The following YME1L1 variants were observed in gnomAD, a reference collection of about 807,000 sequenced individuals.
YME1L1 encodes ATP-dependent zinc metalloprotease YME1L1.
A neutral mutation model predicts 90.4 loss-of-function variants in YME1L1; 39 were observed. That is an observed-to-expected ratio of 0.43 (90% CI 0.33 to 0.56). YME1L1 has a LOEUF of 0.56. Ranked by LOEUF, YME1L1 falls within the 20% of genes least tolerant of loss-of-function variation. The pLI is 0.03. For synonymous variants in YME1L1, 284 were observed against 287.3 expected (o/e 0.99, Z 0.12); for missense variants, 617 against 868.4 (o/e 0.71, Z 3.64).
intron 4 of YME1L1, among the ~76,000 whole-genome samples, chr10:27,137,335 G>A (rs12415615): frequency 0.011 from 1,641 of 152,232 alleles, 113 homozygotes; most frequent in Admixed American, 0.091. Flanking sequence ...TTTAATGGCT[G>A]TTTACACTTT....
chr10:27,136,699 C>CTTTA (rs149072823), intron 4 of YME1L1, among the ~76,000 whole-genome samples: 5,401 of 145,396 alleles, frequency 0.037, 129 homozygotes, highest in African/African-American at 0.054. Context: ...TCAAAAGGAA[C>CTTTA]TTTATTTATT....
chr10:27,141,755 C>T (rs1378974070), intron 4 of YME1L1, among the ~76,000 whole-genome samples: 1 of 152,116 alleles, frequency 6.6e-6, no homozygotes, highest in Non-Finnish European at 1.5e-5. Context: ...TTATTCCATC[C>T]CATCCCAGTG....
intron 2 of YME1L1, chr10:27,146,736 T>C (rs1285159649): frequency 6.6e-6 from 1 of 152,224 alleles, no homozygotes; most frequent in Non-Finnish European, 1.5e-5. Flanking sequence ...TAAAGTTTTT[T>C]TTAAAAGAGG....
intron 5 of YME1L1, among the ~76,000 whole-genome samples, chr10:27,135,423 T>C (rs898343538): frequency 3.3e-5 from 5 of 152,250 alleles, no homozygotes; most frequent in Admixed American, 1.3e-4. Context: ...GAAAAAGATA[T>C]ATAAATAACT....
chr10:27,120,594 C>T, intron 12 of YME1L1, 47 bp from the exon 13 acceptor site: 1 of 1,502,028 alleles, frequency 6.7e-7, no homozygotes, highest in Non-Finnish European at 9.2e-7. Context: ...ACTATTTAAG[C>T]TCAAATTCAA....
chr10:27,135,714 T>G (rs968310731), intron 5 of YME1L1, among the ~76,000 whole-genome samples: 14 of 152,078 alleles, frequency 9.2e-5, no homozygotes, highest in African/African-American at 3.4e-4. Flanking sequence ...GATCAAATGA[T>G]GAAATTCCCA....
intron 4 of YME1L1, among the ~76,000 whole-genome samples, chr10:27,139,685 T>C (rs2057065823): frequency 6.6e-6 from 1 of 152,210 alleles, no homozygotes; most frequent in Admixed American, 6.5e-5. Context: ...CTATCTCTTC[T>C]TGGGTTAACT....
intron 2 of YME1L1, 89 bp downstream of exon 2, chr10:27,148,817 G>A: frequency 6.5e-7 from 1 of 1,537,592 alleles, no homozygotes; most frequent in Non-Finnish European, 8.8e-7. Flanking sequence ...TTGACTACGG[G>A]GGAGGGACAA....
chr10:27,113,442 G>A (rs928217368), intron 18 of YME1L1, among the ~76,000 whole-genome samples: 3 of 151,408 alleles, frequency 2.0e-5, no homozygotes, highest in African/African-American at 7.3e-5. Flanking sequence ...AGGCCGAGGT[G>A]GGTGGATCGC....
Position 27,119,362 on chromosome 10 carries a change from G to A in YME1L1, c.1499C>T (p.Ala500Val). 6.2e-7 allele frequency: 1 copy of A among 1,613,746 alleles called. No homozygotes were observed. The highest frequency in any genetic ancestry group is 8.5e-7 in the Non-Finnish European group (1 of 1,179,816). ...AACCATTTCTTTTCCATCAACAGCTGCTTTTAATGCAGCCTGGTTCACAAG... is the reference window on the plus strand; with the variant it reads ...AACCATTTCTTTTCCATCAACAGCTACTTTTAATGCAGCCTGGTTCACAAG... ...ENLVNQAALKAAVDGKEMVTM... is the reference protein window; with the variant it reads ...ENLVNQAALKVAVDGKEMVTM... The change falls in exon 14 of 19, where the codon GCA becomes GTA. Residue 500 changes from alanine (A) to valine (V), a missense_variant. Around this residue, in one of 4 missense-constraint regions of YME1L1, gnomAD observed 212 missense variants for 330.0 expected, o/e 0.64. Coordinates refer to ENST00000376016, the MANE Select transcript of YME1L1 (RefSeq NM_014263.4).
At chr10:27,121,580 A>C in intron 11 of YME1L1, 132 bp from the exon 12 acceptor site, 1 of 641,880 alleles carries the variant, frequency 1.6e-6, no homozygotes, top group Non-Finnish European at 2.8e-6. Context: ...GCTGAAGCGC[A>C]CCAGTATGAT....
At chr10:27,130,361 T>C (rs572431970) in intron 8 of YME1L1, among the ~76,000 whole-genome samples, 8 of 152,246 alleles carry the variant, frequency 5.3e-5, no homozygotes, top group Admixed American at 1.3e-4. Flanking sequence ...ACTCACTCCC[T>C]GGGTGATCTC....
At chr10:27,140,121 T>A (rs1486594255) in intron 4 of YME1L1, among the ~76,000 whole-genome samples, 3 of 152,130 alleles carry the variant, frequency 2.0e-5, no homozygotes, top group African/African-American at 7.2e-5. Flanking sequence ...TGCCTCAGCC[T>A]CCCGAGTAGC....
chr10:27,126,403 T>C (rs1007414328), intron 9 of YME1L1, among the ~76,000 whole-genome samples: 3 of 152,196 alleles, frequency 2.0e-5, no homozygotes, highest in Admixed American at 1.3e-4. Context: ...CACTCAAGCC[T>C]GGGTCTAAAA....
chr10:27,135,010 G>A (rs2057013589), intron 5 of YME1L1, 29 bp from the exon 6 acceptor site: 2 of 1,581,766 alleles, frequency 1.3e-6, no homozygotes, highest in Non-Finnish European at 1.7e-6. Context: ...CATCAGTACT[G>A]GTTAACAACA....
At position 27,110,161 on chromosome 10, in the gene YME1L1, T is replaced by TA. The variant is rs1314884996; in HGVS notation, c.*1815dup. On this transcript the variant is annotated 3_prime_UTR_variant, in exon 19 of 19. Coordinates refer to ENST00000376016, the MANE Select transcript of YME1L1 (RefSeq NM_014263.4). ...TGTAAATTATACCTCAACAAATATG[T>TA]AAAAAAATTTAAGACAGATAAGACT... 6.6e-6 allele frequency: 1 copy of TA among 152,124 alleles called. No individual in the cohort carries two copies. The highest frequency in any genetic ancestry group is 1.5e-5 in the Non-Finnish European group (1 of 68,022). 9.4% of individuals were successfully genotyped at this position (152,124 alleles called of 1,614,324 possible). A position where few individuals can be genotyped will look rare whatever the true frequency, so the allele number is the denominator to read the frequency against.
intron 12 of YME1L1, among the ~76,000 whole-genome samples, 199 bp downstream of exon 12, chr10:27,121,187 T>C (rs2135851002): frequency 6.6e-6 from 1 of 152,268 alleles, no homozygotes. Context: ...AGAAATCCCA[T>C]ATCCAATGAC....
chr10:27,113,798 T>C (rs1291829580), intron 18 of YME1L1, among the ~76,000 whole-genome samples: 1 of 151,472 alleles, frequency 6.6e-6, no homozygotes, highest in Non-Finnish European at 1.5e-5. Context: ...AAGTCCAGCC[T>C]GGGCAATATA....
chr10:27,134,600 A>G (rs1400130183), intron 6 of YME1L1, among the ~76,000 whole-genome samples: 1 of 152,248 alleles, frequency 6.6e-6, no homozygotes, highest in East Asian at 1.9e-4. Flanking sequence ...CAAAAAATAA[A>G]GAAACAAAAA....
Sources: allele counts gnomAD v4.1 joint callset (sites outside exome capture counted in the v4.1 genomes callset), GRCh38; gene constraint gnomAD v4.1.1; regional missense constraint gnomAD v4.1.1; transcripts MANE v1.5; gene names NCBI Gene and HGNC (gene_info 2026-07-23, HGNC 2026-07-21).